PTPRD: variants seen among roughly 807,000 people sequenced by gnomAD.
PTPRD encodes the protein protein tyrosine phosphatase receptor type D.
In PTPRD, 34 loss-of-function variants were observed where a neutral mutation model predicts 214.5. That is an observed-to-expected ratio of 0.16 (90% CI 0.12 to 0.21). PTPRD has a LOEUF of 0.21. Among genes scored for constraint, PTPRD ranks in the 10% least tolerant of loss-of-function variants. PTPRD has a pLI of 1.00. For synonymous variants in PTPRD, 1,128 were observed against 845.7 expected (o/e 1.33, Z -5.79); for missense variants, 2,545 against 2,398.7 (o/e 1.06, Z -1.27).
chr9:9,705,802 C>A (rs930648091), intron 7 of PTPRD, among the ~76,000 whole-genome samples: 4 of 152,076 alleles, frequency 2.6e-5, no homozygotes, highest in African/African-American at 9.7e-5. Context: ...TCAACTTATA[C>A]CATTCTTGAA....
At chr9:8,481,472 G>A (rs1426569762) in intron 30 of PTPRD, among the ~76,000 whole-genome samples, 1 of 152,034 alleles carries the variant, frequency 6.6e-6, no homozygotes, top group African/African-American at 2.4e-5. Flanking sequence ...TTCTGATTTT[G>A]TTTTTTAATA....
intron 8 of PTPRD, among the ~76,000 whole-genome samples, chr9:9,415,121 G>A (rs537810426): frequency 6.6e-6 from 1 of 152,120 alleles, no homozygotes; most frequent in South Asian, 2.1e-4. Flanking sequence ...AGCAATAACT[G>A]CTATGCAGGA....
At position 9,144,844 on chromosome 9, in the gene PTPRD, G is replaced by A. The variant is rs923098788; in HGVS notation, c.-143+38460C>T. On this transcript the variant is annotated intron_variant, in intron 10 of 45. Coordinates refer to ENST00000381196, the MANE Select transcript of PTPRD (RefSeq NM_002839.4). ...ATCTTTAATGGCAATTTGGCATACC[G>A]CAAAAGCAATATTGTTATTAAAATT... is the stretch of plus-strand genomic sequence containing the variant. Among the ~76,000 whole-genome samples the A allele has an allele frequency of 8.6e-5, 13 of 151,984 alleles. 1 individual carries two copies. Among genetic ancestry groups the A allele is most frequent in the East Asian group, 5.8e-4 (3 of 5,192 alleles).
chr9:9,102,620 C>A (rs895946782), intron 10 of PTPRD, among the ~76,000 whole-genome samples: 7 of 152,188 alleles, frequency 4.6e-5, no homozygotes, highest in Non-Finnish European at 8.8e-5. Context: ...TGGCTGATTA[C>A]GTAGATAATT....
chr9:9,750,153 C>G (rs1381210111), intron 6 of PTPRD, among the ~76,000 whole-genome samples: 1 of 152,092 alleles, frequency 6.6e-6, no homozygotes, highest in Non-Finnish European at 1.5e-5. Context: ...ATCCTTTATT[C>G]CTCTCTCTAG....
At chr9:9,201,929 C>T (rs994614033) in intron 9 of PTPRD, among the ~76,000 whole-genome samples, 8 of 152,242 alleles carry the variant, frequency 5.3e-5, no homozygotes, top group East Asian at 1.9e-4. Flanking sequence ...CCTCAAGAAA[C>T]ATTTAGGAAA....
At chr9:8,636,894 CTA>C (rs1564882460) in intron 12 of PTPRD, 50 bp from the exon 13 acceptor site, 1 of 1,583,050 alleles carries the variant, frequency 6.3e-7, no homozygotes. Flanking sequence ...GAAATACAGA[CTA>C]TTATCCTACT....
chr9:8,378,518 C>A (rs920943245), intron 37 of PTPRD, among the ~76,000 whole-genome samples: 1 of 151,966 alleles, frequency 6.6e-6, no homozygotes, highest in Non-Finnish European at 1.5e-5. Context: ...ACAAGAGGAA[C>A]TCTGGAGGCC....
intron 2 of PTPRD, among the ~76,000 whole-genome samples, chr9:10,449,372 GTGA>G (rs2098822138): frequency 6.6e-6 from 1 of 151,850 alleles, no homozygotes; most frequent in South Asian, 2.1e-4. Context: ...GTGCAGTGGC[GTGA>G]TCTCCGCTCG....
chr9:8,592,303 A>T (rs2094165926), intron 14 of PTPRD, among the ~76,000 whole-genome samples: 1 of 152,160 alleles, frequency 6.6e-6, no homozygotes, highest in Non-Finnish European at 1.5e-5. Context: ...TGACTTGATC[A>T]TGTAAAATAT....
chr9:9,704,722 G>T (rs2097566989), intron 7 of PTPRD, among the ~76,000 whole-genome samples: 1 of 152,170 alleles, frequency 6.6e-6, no homozygotes, highest in African/African-American at 2.4e-5. Flanking sequence ...TGAGACCACT[G>T]TGATAAAGTG....
intron 12 of PTPRD, among the ~76,000 whole-genome samples, chr9:8,714,973 G>A (rs192255364): frequency 6.6e-6 from 1 of 151,434 alleles, no homozygotes; most frequent in South Asian, 2.1e-4. Context: ...CTTGGTCACT[G>A]TTGTATCTCA....
At chr9:10,010,609 A>G (rs2096577601) in intron 4 of PTPRD, among the ~76,000 whole-genome samples, 1 of 151,870 alleles carries the variant, frequency 6.6e-6, no homozygotes, top group Non-Finnish European at 1.5e-5. Context: ...TACTCAACTC[A>G]GTTAATGGTG....
chr9:9,367,604 T>C (rs1286820098), intron 9 of PTPRD, among the ~76,000 whole-genome samples: 1 of 151,576 alleles, frequency 6.6e-6, no homozygotes, highest in Non-Finnish European at 1.5e-5. Context: ...CATTGGAAGT[T>C]TGGCATTAAA....
At chr9:9,976,483 T>C (rs2095356586) in intron 4 of PTPRD, among the ~76,000 whole-genome samples, 1 of 151,274 alleles carries the variant, frequency 6.6e-6, no homozygotes, top group Non-Finnish European at 1.5e-5. Context: ...GCCTCCTGAG[T>C]TCAAGAGATT....
At chr9:10,556,880 G>GA (rs1239383946) in intron 2 of PTPRD, among the ~76,000 whole-genome samples, 2 of 151,822 alleles carry the variant, frequency 1.3e-5, no homozygotes, top group Admixed American at 6.6e-5. Context: ...AATCAAGAGT[G>GA]AAAAAAATGC....
intron 11 of PTPRD, among the ~76,000 whole-genome samples, chr9:8,948,890 A>C (rs753783736): frequency 1.3e-5 from 2 of 151,866 alleles, no homozygotes; most frequent in Non-Finnish European, 2.9e-5. Flanking sequence ...AAGTGTTCCC[A>C]GTTATTTTTT....
intron 11 of PTPRD, among the ~76,000 whole-genome samples, chr9:8,813,836 G>A (rs989064626): frequency 6.6e-6 from 1 of 152,228 alleles, no homozygotes; most frequent in Non-Finnish European, 1.5e-5. Context: ...TTGGCTTACT[G>A]AGGAAGAAAT....
chr9:8,724,889 G>C (rs923419173), intron 12 of PTPRD, among the ~76,000 whole-genome samples: 7 of 152,136 alleles, frequency 4.6e-5, no homozygotes. Flanking sequence ...AGTGAGCCGA[G>C]ATCGCGTCAC....
Sources: gnomAD v4.1 joint callset for allele counts (sites outside exome capture counted in the v4.1 genomes callset) on GRCh38, gnomAD v4.1.1 for gene constraint, MANE v1.5 for transcripts, NCBI Gene and HGNC (gene_info 2026-07-23, HGNC 2026-07-21) for gene names.